The following RBMX variants were observed in gnomAD, a reference collection of about 807,000 sequenced individuals.
RBMX encodes the protein RNA-binding motif protein, X chromosome.
A neutral mutation model predicts 29.3 loss-of-function variants in RBMX; 1 was observed. That is an observed-to-expected ratio of 0.03 (90% CI 0.01 to 0.16). RBMX has a LOEUF of 0.16. RBMX is among the 10% of genes least tolerant of loss of function. The probability of loss-of-function intolerance (pLI) is 1.00; values close to 1 mark genes in which losing one functional copy is unlikely to be tolerated. For synonymous variants in RBMX, 102 were observed against 102.3 expected, an observed-to-expected ratio of 1.00 and a Z score of 0.02; for missense variants, 121 against 333.2, an observed-to-expected ratio of 0.36 and a Z score of 4.96.
At chrX:136,869,870 T>C (rs1209031085), downstream of RBMX, 3 of 112,234 alleles carry the variant, frequency 2.7e-5, no homozygotes, top group Non-Finnish European at 5.6e-5. Flanking sequence ...AAAGTAGGCT[T>C]ATAAAACAAT....
At chrX:136,872,371 T>G, downstream of RBMX, 7 of 1,142,491 alleles carry the variant, frequency 6.1e-6, no homozygotes, top group Non-Finnish European at 7.1e-6. Context: ...AAATGAAAAC[T>G]AGTTATCTCT....
chrX:136,875,097 T>C lies in RBMX; in HGVS notation c.854A>G (p.Tyr285Cys). The change falls in exon 8 of 9, where the codon TAT (tyrosine) becomes TGT (cysteine). Residue 285 changes from tyrosine to cysteine, a missense_variant. Physicochemically the swap from Tyr to Cys is radical, Grantham distance 194 (BLOSUM62 -2). Coordinates refer to ENST00000320676, the MANE Select transcript of RBMX (RefSeq NM_002139.4). ...HPSGGSYRDS[Y>C]ESYGNSRSAP... The stretch of plus-strand genomic sequence containing the variant: ...AACCAGTATCTTACCATAACTCTCA[T>C]ATGAATCTCTGTAGGAACCTCCACT... The C allele has an allele frequency of 1.7e-6, 2 of 1,211,633 alleles. No individual in the cohort carries two copies. The highest frequency in any genetic ancestry group is 2.2e-6 in the Non-Finnish European group (2 of 895,541).
intron 4 of RBMX, among the ~76,000 whole-genome samples, 187 bp downstream of exon 4, chrX:136,877,728 G>A (rs901667245): frequency 2.7e-5 from 3 of 111,996 alleles, no homozygotes; most frequent in Admixed American, 9.5e-5. Context: ...CACTGTCCAC[G>A]GTTTAACACC....
downstream of RBMX, among the ~76,000 whole-genome samples, chrX:136,871,298 G>A (rs184208602): frequency 3.9e-3 from 420 of 106,355 alleles, 4 homozygotes; most frequent in African/African-American, 0.014. Context: ...AAAATCAGCC[G>A]GGCGTGGCAG....
chrX:136,876,112 G>GTT lies in RBMX; in HGVS notation c.541+389_541+390dup, dbSNP rs1219930728. 1.1e-4 allele frequency among the ~76,000 whole-genome samples: 10 copies of GTT among 87,856 alleles called. No homozygotes were observed. In the East Asian group the frequency reaches 2.7e-3, roughly 24 times the overall value. The allele number at this position is 87,856 out of a possible 115,157, so 76.3% of individuals were successfully genotyped here. A position where few individuals can be genotyped will look rare whatever the true frequency, so the allele number is the denominator to read the frequency against. On this transcript the variant is annotated intron_variant, in intron 5 of 8. Coordinates refer to ENST00000320676, the MANE Select transcript of RBMX (RefSeq NM_002139.4). ...ACCGCACCCAGACTCCATGAATAAA[G>GTT]TTTTTTTTTTTTGTTTTTTTTTTTT...
At chrX:136,874,521 A>T in intron 8 of RBMX, 69 bp from the exon 9 acceptor site, 1 of 1,116,829 alleles carries the variant, frequency 9.0e-7, no homozygotes, top group Middle Eastern at 2.5e-4. Context: ...TTAAATCTGA[A>T]TTTACAGAAT....
intron 5 of RBMX, 131 bp downstream of exon 5, chrX:136,876,372 G>A (rs1011478561): frequency 2.6e-5 from 17 of 650,263 alleles, no homozygotes; most frequent in East Asian, 7.9e-5. Context: ...TCCGTCTGCC[G>A]CGGCCTCCCA....
chrX:136,879,533 A>G (rs2077775761), intron 1 of RBMX, 80 bp from the exon 2 acceptor site: 3 of 823,858 alleles, frequency 3.6e-6, no homozygotes, highest in Admixed American at 3.2e-5. Context: ...CACATTTCTC[A>G]TATTTTCCAC....
Position 136,873,898 on chromosome X carries a change from A to G in RBMX, c.*244T>C. On this transcript the variant is annotated 3_prime_UTR_variant, in exon 9 of 9. Coordinates refer to ENST00000320676, the MANE Select transcript of RBMX (RefSeq NM_002139.4). ...ATACTTTTACTTGGAAAGTTACAAC[A>G]CTAGTACAAGTCTTAACACATTTAA... is the stretch of plus-strand genomic sequence containing the variant. The G allele has an allele frequency of 4.9e-6, 5 of 1,015,677 alleles. No homozygotes were observed. Among genetic ancestry groups the G allele is most frequent in the Non-Finnish European group, 6.2e-6 (5 of 802,246 alleles). 83.7% of individuals were successfully genotyped at this position (1,015,677 alleles called of 1,213,427 possible).
chrX:136,871,313 C>CACCT (rs1933732308), downstream of RBMX, among the ~76,000 whole-genome samples: 1 of 105,588 alleles, frequency 9.5e-6, no homozygotes, highest in African/African-American at 3.5e-5. Flanking sequence ...TGGCAGTGTG[C>CACCT]ACCTGTAGTC....
chrX:136,876,850 G>A (rs1305038722), intron 4 of RBMX, among the ~76,000 whole-genome samples, 195 bp from the exon 5 acceptor site: 1 of 105,053 alleles, frequency 9.5e-6, no homozygotes, highest in Admixed American at 1.0e-4. Flanking sequence ...TGGGATTACA[G>A]GTGTGCGCCA....
chrX:136,870,814 A>G (rs1438848776), downstream of RBMX, among the ~76,000 whole-genome samples: 4 of 108,084 alleles, frequency 3.7e-5, no homozygotes, highest in Non-Finnish European at 7.7e-5. Flanking sequence ...GAAAAAAAGA[A>G]AAAAAAAGAA....
rs1384434437 is a variant in RBMX at position 136,875,253 on chromosome X, C to G, written c.782+5G>C. ...CATGTAAGCCACAGAAGCAAAGTCA[C>G]TTACCTATATCCTCTTGATGGATAG... On this transcript the variant is annotated splice_donor_5th_base_variant and intron_variant, in intron 7 of 8. Transcript: ENST00000320676. 8.3e-7 allele frequency: 1 copy of G among 1,211,460 alleles called. No homozygotes were observed. The highest frequency in any genetic ancestry group is 1.8e-5 in the South Asian group (1 of 56,847).
downstream of RBMX, among the ~76,000 whole-genome samples, chrX:136,872,029 CA>C (rs1464047230): frequency 9.0e-6 from 1 of 111,011 alleles, no homozygotes; most frequent in African/African-American, 3.3e-5. Context: ...TTTATGGGTT[CA>C]AAAATAGCTA....
intron 4 of RBMX, among the ~76,000 whole-genome samples, chrX:136,877,421 G>A (rs1355055071): frequency 2.9e-5 from 3 of 102,446 alleles, no homozygotes; most frequent in African/African-American, 1.1e-4. Flanking sequence ...TAGAAACTGG[G>A]GAAATAAGAA....
At chrX:136,878,230 AG>A (rs2077755556) in intron 3 of RBMX, 144 bp from the exon 4 acceptor site, 2 of 493,039 alleles carry the variant, frequency 4.1e-6, no homozygotes, top group South Asian at 1.2e-4. Flanking sequence ...CTGCAAATAT[AG>A]TCAGTTTACA....
At chrX:136,878,985 C>G (rs973728644) in intron 3 of RBMX, 32 bp downstream of exon 3, 4 of 1,205,173 alleles carry the variant, frequency 3.3e-6, no homozygotes, top group Non-Finnish European at 4.5e-6. Context: ...GCACTAGTAA[C>G]AGGTTATCAT....
At position 136,879,089 on chromosome X, in the gene RBMX, T is replaced by C; in HGVS notation, c.144A>G (p.Ser48=). ...LLMKDRETNK[S]RGFAFVTFES... is the part of the protein sequence containing the mutation. ...CAAAGGTGACAAAAGCAAATCCTCT[T>C]GATTTGTTGGTTTCACGGTCTTTCA... Residue 48 remains serine (S), a synonymous_variant, in exon 3 of 9, where the codon TCA becomes TCG. Transcript: ENST00000320676. 8.3e-7 allele frequency: 1 copy of C among 1,211,665 alleles called. No homozygotes were observed. Among genetic ancestry groups the C allele is most frequent in the Non-Finnish European group, 1.1e-6 (1 of 895,570 alleles).
chrX:136,878,614 G>A (rs1399620026), intron 3 of RBMX, among the ~76,000 whole-genome samples: 5 of 74,948 alleles, frequency 6.7e-5, no homozygotes, highest in Non-Finnish European at 1.2e-4. Context: ...GCGTGGTCGC[G>A]CATGCCTGTA....
Sources: allele counts gnomAD v4.1 joint callset (sites outside exome capture counted in the v4.1 genomes callset), GRCh38; gene constraint gnomAD v4.1.1; transcripts MANE v1.5; gene names NCBI Gene and HGNC (gene_info 2026-07-23, HGNC 2026-07-21).